The following TPH2 variants were observed in gnomAD, a reference collection of about 807,000 sequenced individuals.
TPH2 encodes tryptophan 5-hydroxylase 2.
In TPH2, 27 loss-of-function variants were observed where a neutral mutation model predicts 59.1. The ratio of observed to expected loss-of-function variants is 0.46; its 90% CI spans 0.34 to 0.63. TPH2 has a LOEUF of 0.63. TPH2 is among the 30% of genes least tolerant of loss of function. The probability of loss-of-function intolerance (pLI) is 0.01; values close to 1 mark genes in which losing one functional copy is unlikely to be tolerated. For missense variants in TPH2, 523 were observed against 588.3 expected, an observed-to-expected ratio of 0.89 and a Z score of 1.15; for synonymous variants, 220 against 210.5, an observed-to-expected ratio of 1.05 and a Z score of -0.39.
intron 9 of TPH2, among the ~76,000 whole-genome samples, chr12:72,024,469 A>G (rs1873514111): frequency 6.6e-6 from 1 of 152,246 alleles, no homozygotes; most frequent in Non-Finnish European, 1.5e-5. Flanking sequence ...TCAACAAAGA[A>G]TCTATTTGGT....
At chr12:71,985,030 C>T (rs919558142) in intron 7 of TPH2, among the ~76,000 whole-genome samples, 1 of 152,198 alleles carries the variant, frequency 6.6e-6, no homozygotes, top group Non-Finnish European at 1.5e-5. Context: ...TACTATATAT[C>T]AACTGGACAC....
In TPH2 at chr12:71,964,036, C is replaced by T. The variant is rs1871749688; in HGVS notation, c.609-8483C>T. The stretch of plus-strand genomic sequence containing the variant: ...CATTTCAGAGAAATTAAAGCATCAA[C>T]AACTGGTGTTTATGCAGGAGTCACA... On this transcript the variant is annotated intron_variant, in intron 5 of 10. Coordinates refer to ENST00000333850, the MANE Select transcript of TPH2 (RefSeq NM_173353.4). 4.0e-5 allele frequency among the ~76,000 whole-genome samples: 2 copies of T among 50,508 alleles called. 1 individual carries two copies. Among genetic ancestry groups the T allele is most frequent in the Non-Finnish European group, 9.9e-5 (2 of 20,216 alleles). 33.1% of individuals were successfully genotyped at this position (50,508 alleles called of 152,430 possible).
chr12:71,966,266 G>A (rs1204980402), intron 5 of TPH2, among the ~76,000 whole-genome samples: 1 of 151,636 alleles, frequency 6.6e-6, no homozygotes, highest in East Asian at 1.9e-4. Context: ...TTTTTTAAAG[G>A]ATTCTGTGGT....
At chr12:71,961,739 T>C (rs773007434) in intron 5 of TPH2, 1 of 1,342,418 alleles carries the variant, frequency 7.4e-7, no homozygotes, top group Non-Finnish European at 9.8e-7. Context: ...TTCTCTAGAA[T>C]ATGAAGAGGA....
chr12:71,939,789 A>G (rs1200502793), intron 1 of TPH2, among the ~76,000 whole-genome samples: 1 of 152,244 alleles, frequency 6.6e-6, no homozygotes, highest in East Asian at 1.9e-4. Context: ...GCTTTCAGGT[A>G]GTAGTCATGG....
At chr12:71,980,193 T>C (rs1001865238) in intron 7 of TPH2, among the ~76,000 whole-genome samples, 2 of 152,174 alleles carry the variant, frequency 1.3e-5, no homozygotes, top group Non-Finnish European at 2.9e-5. Context: ...ACCCTGAGGC[T>C]GGGAGCTCTG....
At chr12:72,018,314 C>T (rs964017938) in intron 8 of TPH2, among the ~76,000 whole-genome samples, 3 of 152,178 alleles carry the variant, frequency 2.0e-5, no homozygotes, top group African/African-American at 7.2e-5. Flanking sequence ...TCTGAGGTTG[C>T]TCTGATTCTA....
chr12:71,988,239 GGAGA>G (rs1269689959), intron 7 of TPH2, among the ~76,000 whole-genome samples: 1 of 152,098 alleles, frequency 6.6e-6, no homozygotes, highest in Non-Finnish European at 1.5e-5. Flanking sequence ...TTGGAGAGGT[GGAGA>G]GAAAGTTAAA....
At chr12:72,001,060 A>G (rs933563583) in intron 8 of TPH2, among the ~76,000 whole-genome samples, 1 of 152,232 alleles carries the variant, frequency 6.6e-6, no homozygotes, top group Non-Finnish European at 1.5e-5. Context: ...TGAAACAGAC[A>G]AAGCTGTGCA....
In TPH2 at chr12:71,962,456, T is replaced by A. The variant is rs984476747; in HGVS notation, c.609-10063T>A. The A allele has an allele frequency of 1.1e-5, 11 of 985,264 alleles. No homozygotes were observed. The East Asian group carries it at 1.2e-3, about 112-fold the overall frequency. 61.0% of individuals were successfully genotyped at this position (985,264 alleles called of 1,614,324 possible). A position where few individuals can be genotyped will look rare whatever the true frequency, so the allele number is the denominator to read the frequency against. On this transcript the variant is annotated intron_variant, in intron 5 of 10. Coordinates refer to ENST00000333850, the MANE Select transcript of TPH2 (RefSeq NM_173353.4). ...GTGTGACTGAGTGATGATGTCTAGA[T>A]AAGGGTCAGGAAAACTGAATTGAGA...
At chr12:71,978,784 G>T (rs908121918) in intron 6 of TPH2, among the ~76,000 whole-genome samples, 168 bp from the exon 7 acceptor site, 7 of 152,154 alleles carry the variant, frequency 4.6e-5, no homozygotes, top group Admixed American at 6.5e-5. Context: ...GTCATCAGAA[G>T]CACCAAACAT....
chr12:71,990,341 G>T (rs987785573), intron 7 of TPH2, among the ~76,000 whole-genome samples: 3 of 152,138 alleles, frequency 2.0e-5, no homozygotes, highest in African/African-American at 7.2e-5. Context: ...TTTGCACTTT[G>T]TAAAATAGAG....
intron 8 of TPH2, among the ~76,000 whole-genome samples, chr12:72,018,764 T>G (rs1168810719): frequency 6.6e-6 from 1 of 152,212 alleles, no homozygotes; most frequent in Non-Finnish European, 1.5e-5. Flanking sequence ...ACTGTGACAT[T>G]CTAGTTTTCC....
intron 8 of TPH2, among the ~76,000 whole-genome samples, chr12:72,011,687 A>C (rs528212732): frequency 6.6e-6 from 1 of 152,284 alleles, no homozygotes; most frequent in South Asian, 2.1e-4. Context: ...TGTCAGAATC[A>C]ATGGGTCTTC....
chr12:71,955,567 G>A (rs1478967739), intron 5 of TPH2, among the ~76,000 whole-genome samples: 1 of 152,098 alleles, frequency 6.6e-6, no homozygotes, highest in Non-Finnish European at 1.5e-5. Context: ...GAGTGACCTG[G>A]GCAAATTGTT....
At chr12:71,948,797 G>T (rs1385821492) in intron 4 of TPH2, among the ~76,000 whole-genome samples, 2 of 152,200 alleles carry the variant, frequency 1.3e-5, no homozygotes, top group Non-Finnish European at 2.9e-5. Flanking sequence ...ACCCTGGAAA[G>T]AATTGATTGT....
chr12:71,953,352 G>C (rs1183449771), intron 5 of TPH2, among the ~76,000 whole-genome samples: 2 of 152,102 alleles, frequency 1.3e-5, no homozygotes, highest in Non-Finnish European at 2.9e-5. Context: ...GTTTCTCTGA[G>C]TATGAGTTTG....
intron 8 of TPH2, among the ~76,000 whole-genome samples, chr12:72,010,443 G>T (rs1296805557): frequency 6.6e-6 from 1 of 152,120 alleles, no homozygotes; most frequent in Non-Finnish European, 1.5e-5. Context: ...TCATCTCTGA[G>T]TATGAGAGAT....
At chr12:71,970,962 T>A (rs537015968) in intron 5 of TPH2, among the ~76,000 whole-genome samples, 1 of 152,328 alleles carries the variant, frequency 6.6e-6, no homozygotes, top group East Asian at 1.9e-4. Flanking sequence ...CAAAAATAAT[T>A]TGGGGGCAGG....
Sources: gnomAD v4.1 joint callset for allele counts (sites outside exome capture counted in the v4.1 genomes callset) on GRCh38, gnomAD v4.1.1 for gene constraint, MANE v1.5 for transcripts, NCBI Gene and HGNC (gene_info 2026-07-23, HGNC 2026-07-21) for gene names.